The following CUTC variants were observed in gnomAD, a reference collection of about 807,000 sequenced individuals.
CUTC encodes the protein cutC copper transporter, also known as copper homeostasis protein cutC homolog.
A neutral mutation model predicts 36.2 loss-of-function variants in CUTC; 27 were observed. The observed-to-expected ratio is 0.75, with a 90% CI of 0.55 to 1.03. CUTC has a LOEUF of 1.03. Ranked by LOEUF, CUTC falls within the 50% of genes least tolerant of loss-of-function variation. The pLI is 0.00. For missense variants in CUTC, 315 were observed against 343.5 expected (o/e 0.92, Z 0.66); for synonymous variants, 114 against 118.3 (o/e 0.96, Z 0.24).
intron 1 of CUTC, among the ~76,000 whole-genome samples, chr10:99,734,643 A>G (rs1398044328): frequency 6.6e-6 from 1 of 152,138 alleles, no homozygotes; most frequent in East Asian, 1.9e-4. Flanking sequence ...TTTTTAAATT[A>G]TGTGCTCCCG....
At chr10:99,746,518 T>TA (rs745374098) in intron 5 of CUTC, among the ~76,000 whole-genome samples, 3 of 151,916 alleles carry the variant, frequency 2.0e-5, no homozygotes, top group South Asian at 2.1e-4. Context: ...AAAAAAAAGT[T>TA]AAAAAAAAGT....
intron 5 of CUTC, 39 bp from the exon 6 acceptor site, chr10:99,747,218 A>G (rs2037384144): frequency 6.2e-7 from 1 of 1,609,854 alleles, no homozygotes; most frequent in East Asian, 2.2e-5. Flanking sequence ...TGCGTTAGAG[A>G]TACCTGTTCA....
At chr10:99,743,517 G>A (rs1362850122) in intron 4 of CUTC, among the ~76,000 whole-genome samples, 155 bp downstream of exon 4, 6 of 152,178 alleles carry the variant, frequency 3.9e-5, no homozygotes, top group Non-Finnish European at 5.9e-5. Flanking sequence ...TTAGATGTTT[G>A]GGGTGGGGTG....
intron 3 of CUTC, among the ~76,000 whole-genome samples, chr10:99,741,447 C>T (rs1232872895): frequency 6.6e-6 from 1 of 152,212 alleles, no homozygotes; most frequent in Non-Finnish European, 1.5e-5. Flanking sequence ...GGTCAGTACT[C>T]AGCTGAATAT....
chr10:99,740,523 C>G (rs929993510), intron 3 of CUTC, among the ~76,000 whole-genome samples: 3 of 151,738 alleles, frequency 2.0e-5, no homozygotes, highest in Non-Finnish European at 2.9e-5. Context: ...TTGTTTTTCT[C>G]TATGTAATAT....
At chr10:99,734,723 C>T (rs1223546808) in intron 1 of CUTC, among the ~76,000 whole-genome samples, 1 of 151,982 alleles carries the variant, frequency 6.6e-6, no homozygotes, top group East Asian at 1.9e-4. Context: ...TGTAATTATT[C>T]AGCTTTTAGT....
At chr10:99,735,406 C>G (rs962969823) in intron 1 of CUTC, among the ~76,000 whole-genome samples, 1 of 151,994 alleles carries the variant, frequency 6.6e-6, no homozygotes. Context: ...CTGGAGAGAT[C>G]TGGAAGCATA....
intron 2 of CUTC, 124 bp from the exon 3 acceptor site, chr10:99,739,586 A>T: frequency 1.2e-6 from 1 of 844,628 alleles, no homozygotes; most frequent in East Asian, 2.8e-5. Context: ...TAGCTTTATA[A>T]TTTGATTTCT....
chr10:99,738,424 G>GTA (rs2037314861), intron 2 of CUTC, among the ~76,000 whole-genome samples: 1 of 151,704 alleles, frequency 6.6e-6, no homozygotes, highest in Non-Finnish European at 1.5e-5. Context: ...GTGTGTGTGT[G>GTA]TGTACAGTTC....
intron 7 of CUTC, 68 bp downstream of exon 7, chr10:99,750,464 G>A: frequency 8.1e-7 from 1 of 1,240,894 alleles, no homozygotes; most frequent in Non-Finnish European, 1.1e-6. Context: ...AAAGGAGGCA[G>A]GAAAATGTGA....
At chr10:99,747,040 T>C (rs2037382978) in intron 5 of CUTC, among the ~76,000 whole-genome samples, 1 of 152,202 alleles carries the variant, frequency 6.6e-6, no homozygotes, top group South Asian at 2.1e-4. Context: ...AATGCCAAGA[T>C]TATAGGCACG....
chr10:99,742,395 G>A (rs1296350316), intron 3 of CUTC, among the ~76,000 whole-genome samples: 1 of 152,008 alleles, frequency 6.6e-6, no homozygotes, highest in African/African-American at 2.4e-5. Flanking sequence ...ATGAAAAGAG[G>A]GCATTCCTGG....
At chr10:99,736,196 C>G (rs755413646) in intron 1 of CUTC, 50 bp from the exon 2 acceptor site, 1 of 1,511,708 alleles carries the variant, frequency 6.6e-7, no homozygotes, top group South Asian at 1.1e-5. Flanking sequence ...GTAAATTGGT[C>G]TGGATGGATA....
At chr10:99,735,787 C>G (rs893064794) in intron 1 of CUTC, among the ~76,000 whole-genome samples, 1 of 152,186 alleles carries the variant, frequency 6.6e-6, no homozygotes, top group Non-Finnish European at 1.5e-5. Context: ...CTCTGAGGTA[C>G]ATACTAAAAT....
chr10:99,745,508 A>G (rs1381762586), intron 5 of CUTC, among the ~76,000 whole-genome samples: 1 of 152,216 alleles, frequency 6.6e-6, no homozygotes, highest in Non-Finnish European at 1.5e-5. Flanking sequence ...TTCTGTTTTC[A>G]GTTTCCTGAT....
chr10:99,736,217 G>C, intron 1 of CUTC, 29 bp from the exon 2 acceptor site: 2 of 1,597,810 alleles, frequency 1.3e-6, no homozygotes, highest in Non-Finnish European at 1.7e-6. Flanking sequence ...GAACCTTTAT[G>C]AACTCTTACC....
At chr10:99,739,811 A>G (rs2037327686) in intron 3 of CUTC, 42 bp downstream of exon 3, 1 of 1,537,256 alleles carries the variant, frequency 6.5e-7, no homozygotes, top group Non-Finnish European at 8.9e-7. Context: ...TGGAGTTCAT[A>G]GAGCCTGGAA....
intron 4 of CUTC, among the ~76,000 whole-genome samples, 181 bp downstream of exon 4, chr10:99,743,543 C>T (rs1218448472): frequency 6.6e-6 from 1 of 152,084 alleles, no homozygotes; most frequent in African/African-American, 2.4e-5. Context: ...GTGGCAAAGC[C>T]TTCTTAACTC....
Position 99,732,679 on chromosome 10 carries a change from C to G in CUTC, c.61+270C>G, listed in dbSNP as rs552629134. The G allele has an allele frequency of 3.0e-4, 395 of 1,319,774 alleles. No individual in the cohort carries two copies. In the African/African-American group the frequency reaches 5.5e-3, roughly 18 times the overall value. 81.8% of individuals were successfully genotyped at this position (1,319,774 alleles called of 1,614,324 possible). A position where few individuals can be genotyped will look rare whatever the true frequency, so the allele number is the denominator to read the frequency against. On this transcript the variant is annotated intron_variant, in intron 1 of 8. Coordinates refer to ENST00000370476, the MANE Select transcript of CUTC (RefSeq NM_015960.3). The stretch of plus-strand genomic sequence containing the variant: ...CTGCGACCTTGTGCAAGTTGGTTAA[C>G]TTCAGCTTCACGTTTTTTCCGTCGC...
Sources: gnomAD v4.1 joint callset for allele counts (sites outside exome capture counted in the v4.1 genomes callset) on GRCh38, gnomAD v4.1.1 for gene constraint, MANE v1.5 for transcripts, NCBI Gene and HGNC (gene_info 2026-07-23, HGNC 2026-07-21) for gene names.